Variants in KDM8 observed in about 807,000 individuals in gnomAD.
The protein encoded by KDM8 is bifunctional peptidase and arginyl-hydroxylase JMJD5.
KDM8 carries 35 observed loss-of-function variants against 46.9 expected under a neutral mutation model. The ratio of observed to expected loss-of-function variants is 0.75; its 90% CI spans 0.57 to 0.99. KDM8 has a LOEUF of 0.99. Ranked by LOEUF, KDM8 falls within the 50% of genes least tolerant of loss-of-function variation. The probability of loss-of-function intolerance (pLI) is 0.00; values close to 1 mark genes in which losing one functional copy is unlikely to be tolerated. For missense variants in KDM8, 475 were observed against 537.0 expected, an observed-to-expected ratio of 0.88 and a Z score of 1.14; for synonymous variants, 232 against 227.7, an observed-to-expected ratio of 1.02 and a Z score of -0.17.
At position 27,220,910 on chromosome 16, in the gene KDM8, G is replaced by A; in HGVS notation, c.*180G>A. On this transcript the variant is annotated 3_prime_UTR_variant, in exon 8 of 8. Transcript: ENST00000286096. Reference sequence around the variant, plus strand: ...ACTGGACAGGCACAGAGCAGGGGCTGCCCAGGAAGGAGCACACTCCAGGCC... The same window carrying A: ...ACTGGACAGGCACAGAGCAGGGGCTACCCAGGAAGGAGCACACTCCAGGCC... The A allele has an allele frequency of 1.3e-6, 1 of 744,146 alleles. No individual in the cohort carries two copies. The highest frequency in any genetic ancestry group is 2.3e-6 in the Non-Finnish European group (1 of 427,442). 46.1% of individuals were successfully genotyped at this position (744,146 alleles called of 1,614,324 possible). A position where few individuals can be genotyped will look rare whatever the true frequency, so the allele number is the denominator to read the frequency against.
intron 1 of KDM8, chr16:27,206,079 A>G (rs2140960763): frequency 5.0e-6 from 1 of 199,188 alleles, no homozygotes; most frequent in East Asian, 1.9e-4. Flanking sequence ...CCTGGCCACT[A>G]GAAGGCTATC....
At chr16:27,209,303 T>C (rs1200775992) in intron 1 of KDM8, among the ~76,000 whole-genome samples, 4 of 152,242 alleles carry the variant, frequency 2.6e-5, no homozygotes, top group Non-Finnish European at 5.9e-5. Context: ...CTCGGCTTAC[T>C]GCAACCTTTG....
At chr16:27,205,745 G>A (rs963031750) in intron 1 of KDM8, among the ~76,000 whole-genome samples, 2 of 152,210 alleles carry the variant, frequency 1.3e-5, no homozygotes, top group African/African-American at 4.8e-5. Flanking sequence ...GGCAGAGGCA[G>A]GAGAATTGCT....
chr16:27,204,968 G>C (rs1255960908), intron 1 of KDM8, among the ~76,000 whole-genome samples: 1 of 152,214 alleles, frequency 6.6e-6, no homozygotes, highest in African/African-American at 2.4e-5. Context: ...GGAGGTTGCA[G>C]TGAGCCAAGA....
chr16:27,220,347 C>T (rs1371653085), intron 6 of KDM8, 46 bp from the exon 7 acceptor site: 3 of 1,544,958 alleles, frequency 1.9e-6, no homozygotes, highest in South Asian at 1.1e-5. Flanking sequence ...CTTGGGGCAG[C>T]AGTGGAGTGA....
At chr16:27,205,368 C>CT (rs1410748101) in intron 1 of KDM8, among the ~76,000 whole-genome samples, 2 of 152,146 alleles carry the variant, frequency 1.3e-5, no homozygotes, top group Admixed American at 6.5e-5. Context: ...GCAGACAAGA[C>CT]TTTATGTAAG....
rs371012941 is a variant in KDM8 at position 27,209,857 on chromosome 16, C to T, written c.-31-236C>T. Reference sequence around the variant, plus strand: ...AGGCACTGCAGATGAGGACAATACACGTTCCTTTCTGAACAGACGTTTATC... The same window carrying T: ...AGGCACTGCAGATGAGGACAATACATGTTCCTTTCTGAACAGACGTTTATC... On this transcript the variant is annotated intron_variant, in intron 1 of 7. Transcript: ENST00000286096. Among the ~76,000 whole-genome samples the T allele has an allele frequency of 1.7e-3, 258 of 152,312 alleles. 15 individuals are homozygous for T. The South Asian group carries it at 0.052, about 31-fold the overall frequency.
chr16:27,210,649 C>T (rs751245402), intron 2 of KDM8, 28 bp downstream of exon 2: 2 of 1,493,828 alleles, frequency 1.3e-6, no homozygotes, highest in Admixed American at 4.8e-5. Context: ...TCCCCAAGCA[C>T]ACTAGCCATC....
At chr16:27,211,374 G>T in intron 2 of KDM8, 1 of 360,192 alleles carries the variant, frequency 2.8e-6, no homozygotes. Flanking sequence ...CTGTTTTGGG[G>T]TCAATCTCTC....
chr16:27,207,344 G>A (rs1009487583), intron 1 of KDM8, among the ~76,000 whole-genome samples: 4 of 152,242 alleles, frequency 2.6e-5, no homozygotes, highest in Non-Finnish European at 5.9e-5. Flanking sequence ...GGGAGGTGGA[G>A]TTTGCAGTGA....
intron 2 of KDM8, chr16:27,211,241 G>A: frequency 2.2e-6 from 1 of 445,896 alleles, no homozygotes; most frequent in Non-Finnish European, 4.5e-6. Context: ...GCAGCCAGCG[G>A]CAGCCCGTTT....
chr16:27,210,712 C>T, intron 2 of KDM8, 91 bp downstream of exon 2: 1 of 1,278,832 alleles, frequency 7.8e-7, no homozygotes, highest in Non-Finnish European at 1.1e-6. Flanking sequence ...TGGGGTGAGG[C>T]CTCGTGGCCT....
intron 2 of KDM8, chr16:27,211,121 C>CTTTTTTTTTTTTT: frequency 2.5e-6 from 1 of 404,412 alleles, no homozygotes; most frequent in Non-Finnish European, 4.9e-6. Flanking sequence ...CATTTTCTCT[C>CTTTTTTTTTTTTT]TTTTTTTTTT....
At chr16:27,220,082 G>A (rs1350522737) in intron 6 of KDM8, among the ~76,000 whole-genome samples, 4 of 152,094 alleles carry the variant, frequency 2.6e-5, no homozygotes, top group Non-Finnish European at 5.9e-5. Context: ...TCAGCTGGGT[G>A]TGGTGGGGCA....
Position 27,210,525 on chromosome 16 carries a change from G to A in KDM8, c.402G>A (p.Leu134=). Residue 134 remains leucine, a synonymous_variant, in exon 2 of 8, where the codon CTG becomes CTA. Transcript: ENST00000286096. ...GCCTGCTGATGGGGGCAGCCATCCT[G>A]GGGGACATCCTTCTTAAAGTCGCTG... is the stretch of plus-strand genomic sequence containing the variant. ...DMGLLMGAAI[L]GDILLKVAAI... 6.5e-7 allele frequency: 1 copy of A among 1,546,828 alleles called. No individual in the cohort carries two copies. The highest frequency in any genetic ancestry group is 8.7e-7 in the Non-Finnish European group (1 of 1,144,992).
Position 27,221,021 on chromosome 16 carries a change from C to G in KDM8, c.*291C>G. 1 of 464,644 alleles carries G rather than the reference C, an allele frequency of 2.2e-6. No individual in the cohort carries two copies. The highest frequency in any genetic ancestry group is 2.0e-5 in the African/African-American group (1 of 50,646). 28.8% of individuals were successfully genotyped at this position (464,644 alleles called of 1,614,324 possible). ...GCATGGGGACTCTGGCATCAGAAAG[C>G]CGAATGTTTTTGGGAAACGGGTGGG... On this transcript the variant is annotated 3_prime_UTR_variant, in exon 8 of 8. Coordinates refer to ENST00000286096, the MANE Select transcript of KDM8 (RefSeq NM_024773.3).
At chr16:27,214,774 T>G in intron 3 of KDM8, 102 bp from the exon 4 acceptor site, 11 of 1,343,260 alleles carry the variant, frequency 8.2e-6, no homozygotes, top group Non-Finnish European at 1.1e-5. Flanking sequence ...TCTCTGCACG[T>G]GAGGTTTTCC....
Position 27,220,926 on chromosome 16 carries a change from A to G in KDM8, c.*196A>G. ...GCAGGGGCTGCCCAGGAAGGAGCAC[A>G]CTCCAGGCCAGGGGTGCATGGCAGA... On this transcript the variant is annotated 3_prime_UTR_variant, in exon 8 of 8. Transcript: ENST00000286096. 1 of 688,160 alleles carries G rather than the reference A, an allele frequency of 1.5e-6. No homozygotes were observed. The highest frequency in any genetic ancestry group is 1.5e-5 in the South Asian group (1 of 65,126). The allele number at this position is 688,160 out of a possible 1,614,324, so 42.6% of individuals were successfully genotyped here. A position where few individuals can be genotyped will look rare whatever the true frequency, so the allele number is the denominator to read the frequency against.
chr16:27,216,048 T>G (rs1389889912), intron 5 of KDM8, 59 bp downstream of exon 5: 3 of 1,575,964 alleles, frequency 1.9e-6, no homozygotes, highest in Non-Finnish European at 2.6e-6. Flanking sequence ...TCTCCTCCCC[T>G]CCTGGGCTCA....
Sources: allele counts gnomAD v4.1 joint callset (sites outside exome capture counted in the v4.1 genomes callset), GRCh38; gene constraint gnomAD v4.1.1; transcripts MANE v1.5; gene names NCBI Gene and HGNC (gene_info 2026-07-23, HGNC 2026-07-21).